DHRSX: variants seen among roughly 807,000 people sequenced by gnomAD.
DHRSX encodes polyprenol dehydrogenase.
In DHRSX, 31 loss-of-function variants were observed where a neutral mutation model predicts 34.0. The ratio of observed to expected loss-of-function variants is 0.91; its 90% CI spans 0.69 to 1.23. The LOEUF (loss-of-function observed/expected upper bound fraction) is 1.23, where lower values mean the gene tolerates loss of function less well. Among genes scored for constraint, DHRSX ranks in the 50% most tolerant of loss-of-function variants. The pLI, the probability that DHRSX is intolerant of heterozygous loss-of-function variation, is 0.00. For synonymous variants in DHRSX, 201 were observed against 183.8 expected (o/e 1.09, Z -0.76); for missense variants, 414 against 428.1 (o/e 0.97, Z 0.29).
At chrX:2,271,717 A>T (rs2041557297) in intron 4 of DHRSX, among the ~76,000 whole-genome samples, 1 of 152,126 alleles carries the variant, frequency 6.6e-6, no homozygotes, top group African/African-American at 2.4e-5. Flanking sequence ...CACTTCTGAG[A>T]AGTATGTCAG....
chrX:2,452,960 C>T lies in DHRSX; in HGVS notation c.110-27656G>A, dbSNP rs189808219. Among the ~76,000 whole-genome samples, 475 of 152,236 alleles carry T rather than the reference C, an allele frequency of 3.1e-3. 3 individuals are homozygous for T. The highest frequency in any genetic ancestry group is 0.011 in the African/African-American group (457 of 41,550). ...GCAGCACTACTCAGTTTCCAAGAGA[C>T]GGAATAAACCCATGTGTCAATCAAC... On this transcript the variant is annotated intron_variant, in intron 1 of 6. Transcript: ENST00000334651.
At chrX:2,482,384 C>T (rs1440202886) in intron 1 of DHRSX, among the ~76,000 whole-genome samples, 2 of 152,072 alleles carry the variant, frequency 1.3e-5, no homozygotes, top group East Asian at 3.9e-4. Flanking sequence ...CTGACTTAGC[C>T]TCCCAAAGTG....
intron 3 of DHRSX, among the ~76,000 whole-genome samples, chrX:2,408,102 T>G (rs1032964067): frequency 1.6e-4 from 24 of 150,326 alleles, no homozygotes; most frequent in Admixed American, 3.3e-4. Flanking sequence ...CTGTTTGATT[T>G]ATCTTTTTTT....
intron 1 of DHRSX, among the ~76,000 whole-genome samples, chrX:2,448,906 G>A (rs974804862): frequency 6.6e-6 from 1 of 152,084 alleles, no homozygotes; most frequent in Non-Finnish European, 1.5e-5. Flanking sequence ...TATCCACACT[G>A]GGCCGGGCGC....
intron 4 of DHRSX, among the ~76,000 whole-genome samples, chrX:2,283,498 G>A (rs1394786467): frequency 6.6e-6 from 1 of 152,270 alleles, no homozygotes; most frequent in Middle Eastern, 3.4e-3. Context: ...CCGGGAGGGA[G>A]ACCAGATGAC....
At chrX:2,423,734 C>T (rs1369068509) in intron 2 of DHRSX, among the ~76,000 whole-genome samples, 1 of 152,148 alleles carries the variant, frequency 6.6e-6, no homozygotes, top group Non-Finnish European at 1.5e-5. Flanking sequence ...CTCTCCCCTC[C>T]TCCCCGCCCC....
chrX:2,466,441 A>T (rs1295212842), intron 1 of DHRSX, among the ~76,000 whole-genome samples: 2 of 152,180 alleles, frequency 1.3e-5, no homozygotes, highest in Non-Finnish European at 2.9e-5. Flanking sequence ...CCAGTCTCAA[A>T]AGAAAAAGAA....
At chrX:2,257,213 C>T (rs1326999275) in intron 5 of DHRSX, among the ~76,000 whole-genome samples, 4 of 152,224 alleles carry the variant, frequency 2.6e-5, no homozygotes, top group South Asian at 2.1e-4. Flanking sequence ...CTCGGCCTCC[C>T]GAAGTGCTGG....
intron 6 of DHRSX, among the ~76,000 whole-genome samples, chrX:2,234,991 A>G (rs1034327234): frequency 1.8e-4 from 28 of 152,182 alleles, no homozygotes; most frequent in African/African-American, 6.8e-4. Flanking sequence ...GATTACAGGC[A>G]TGATCCACCA....
At chrX:2,345,999 C>G (rs1377555540) in intron 3 of DHRSX, among the ~76,000 whole-genome samples, 3 of 152,118 alleles carry the variant, frequency 2.0e-5, no homozygotes, top group Admixed American at 1.3e-4. Flanking sequence ...CACACAGTTC[C>G]CTGGTTCTGC....
chrX:2,461,347 G>A (rs1028983521), intron 1 of DHRSX, among the ~76,000 whole-genome samples: 2 of 152,184 alleles, frequency 1.3e-5, no homozygotes, highest in African/African-American at 4.8e-5. Flanking sequence ...CAAAACATCT[G>A]CACCCACGGG....
intron 5 of DHRSX, among the ~76,000 whole-genome samples, chrX:2,250,187 C>T (rs1330698026): frequency 7.0e-6 from 1 of 143,702 alleles, no homozygotes. Context: ...AAAAATTAAG[C>T]ATTGATTCAA....
At chrX:2,380,960 G>T (rs2043195393) in intron 3 of DHRSX, among the ~76,000 whole-genome samples, 1 of 152,108 alleles carries the variant, frequency 6.6e-6, no homozygotes, top group Non-Finnish European at 1.5e-5. Context: ...CGCCTCCGAG[G>T]TTCAAGCGAT....
chrX:2,499,692 G>C (rs1347148208), intron 1 of DHRSX, among the ~76,000 whole-genome samples: 5 of 151,676 alleles, frequency 3.3e-5, no homozygotes, highest in Non-Finnish European at 7.4e-5. Flanking sequence ...GGATTGCTTC[G>C]GCCCATGAGT....
intron 1 of DHRSX, chrX:2,490,814 G>C: frequency 6.6e-7 from 1 of 1,508,660 alleles, no homozygotes; most frequent in East Asian, 2.3e-5. Flanking sequence ...AAGGGACCCA[G>C]GCACGCACGG....
intron 3 of DHRSX, among the ~76,000 whole-genome samples, chrX:2,331,570 G>A (rs2042478472): frequency 6.8e-6 from 1 of 147,478 alleles, no homozygotes; most frequent in Admixed American, 7.0e-5. Flanking sequence ...GCCTCAGCCT[G>A]CCGAGTAGCT....
chrX:2,342,694 A>G (rs1381580465), intron 3 of DHRSX, among the ~76,000 whole-genome samples: 1 of 151,970 alleles, frequency 6.6e-6, no homozygotes, highest in East Asian at 1.9e-4. Context: ...CCATTTATTC[A>G]CAGTTTCCAT....
chrX:2,327,954 C>T (rs1281806454), intron 3 of DHRSX, among the ~76,000 whole-genome samples: 1 of 152,020 alleles, frequency 6.6e-6, no homozygotes, highest in Non-Finnish European at 1.5e-5. Flanking sequence ...GTGGCACGCA[C>T]CTGTAGTTCC....
chrX:2,301,582 C>A (rs893475063), intron 3 of DHRSX, among the ~76,000 whole-genome samples: 1 of 152,166 alleles, frequency 6.6e-6, no homozygotes, highest in Non-Finnish European at 1.5e-5. Context: ...GCATTCTGGT[C>A]TTTGTATGAT....
Sources: gnomAD v4.1 joint callset for allele counts (sites outside exome capture counted in the v4.1 genomes callset) on GRCh38, gnomAD v4.1.1 for gene constraint, MANE v1.5 for transcripts, NCBI Gene and HGNC (gene_info 2026-07-23, HGNC 2026-07-21) for gene names.